Variants in DHRS9 observed in about 807,000 individuals in gnomAD.
DHRS9 encodes dehydrogenase/reductase SDR family member 9.
In DHRS9, 18 loss-of-function variants were observed where a neutral mutation model predicts 26.6. The ratio of observed to expected loss-of-function variants is 0.68; its 90% CI spans 0.47 to 1.00. The LOEUF (loss-of-function observed/expected upper bound fraction) is 1.00, where lower values mean the gene tolerates loss of function less well. Ranked by LOEUF, DHRS9 falls within the 50% of genes least tolerant of loss-of-function variation. The pLI, the probability that DHRS9 is intolerant of heterozygous loss-of-function variation, is 0.00. For missense variants in DHRS9, 425 were observed against 378.7 expected (o/e 1.12, Z -1.01); for synonymous variants, 134 against 141.1 (o/e 0.95, Z 0.36).
chr2:169,075,199 GCTTTA>G (rs1199391925), intron 1 of DHRS9, among the ~76,000 whole-genome samples: 1 of 152,030 alleles, frequency 6.6e-6, no homozygotes, highest in African/African-American at 2.4e-5. Flanking sequence ...AGAAAAAAAA[GCTTTA>G]CTTTCCTTTG....
chr2:169,093,936 C>T (rs1684614670), intron 4 of DHRS9, among the ~76,000 whole-genome samples: 1 of 152,180 alleles, frequency 6.6e-6, no homozygotes, highest in Admixed American at 6.5e-5. Flanking sequence ...CTTGAGAAGA[C>T]ACAGCTCAGG....
At position 169,072,638 on chromosome 2, in the gene DHRS9, AT is replaced by A; in HGVS notation, c.-60+2925del. 8 of 985,438 alleles carry A rather than the reference AT, an allele frequency of 8.1e-6. No individual in the cohort carries two copies. In the South Asian group the frequency reaches 3.8e-4, roughly 46 times the overall value. The allele number at this position is 985,438 out of a possible 1,614,324, so 61.0% of individuals were successfully genotyped here. ...TCAAGGAGAGCGCTCGAGTTGCAAT[AT>A]TTTCCTTTGGCTGCTGACAGGCAGT... is the stretch of plus-strand genomic sequence containing the variant. On this transcript the variant is annotated intron_variant, in intron 1 of 4. Coordinates refer to ENST00000674881, the MANE Select transcript of DHRS9 (RefSeq NM_001376924.1).
At position 169,081,886 on chromosome 2, in the gene DHRS9, G is replaced by A; in HGVS notation, c.305G>A (p.Gly102Glu). ...GCCCAGTGGGTGAAGAACCAAGTTGGGGAGAAAGGTGAGAGACATGGAAGT... is the reference window on the plus strand; with the variant it reads ...GCCCAGTGGGTGAAGAACCAAGTTGAGGAGAAAGGTGAGAGACATGGAAGT... Reference protein sequence around the residue: ...RTAQWVKNQVGEKGLWGLINN... With the variant: ...RTAQWVKNQVEEKGLWGLINN... Residue 102 changes from glycine (G) to glutamate (E), a missense_variant, in exon 2 of 5, where the codon GGG becomes GAG. Coordinates refer to ENST00000674881, the MANE Select transcript of DHRS9 (RefSeq NM_001376924.1). The A allele has an allele frequency of 6.2e-7, 1 of 1,603,650 alleles. No homozygotes were observed. The highest frequency in any genetic ancestry group is 8.5e-7 in the Non-Finnish European group (1 of 1,173,772).
rs777701210 is a variant in DHRS9, at chr2:169,086,169, C to CT, written c.572+2592dup. ...TTAGATTCTGTAGCTATGCCTCATT[C>CT]TTTTTTTTTTCTTTTGTCTCCTCTG... is the stretch of plus-strand genomic sequence containing the variant. On this transcript the variant is annotated intron_variant, in intron 3 of 4. Coordinates refer to ENST00000674881, the MANE Select transcript of DHRS9 (RefSeq NM_001376924.1). Among the ~76,000 whole-genome samples, 221 of 149,018 alleles carry CT rather than the reference C, an allele frequency of 1.5e-3. 1 individual carries two copies. The East Asian group carries it at 0.021, about 14-fold the overall frequency.
intron 3 of DHRS9, among the ~76,000 whole-genome samples, chr2:169,086,572 G>A (rs775853045): frequency 5.9e-5 from 9 of 151,646 alleles, no homozygotes; most frequent in Non-Finnish European, 1.3e-4. Flanking sequence ...TCTGTGCATT[G>A]AAGAGTTAGG....
intron 4 of DHRS9, among the ~76,000 whole-genome samples, chr2:169,092,877 C>T (rs1299591023): frequency 1.3e-5 from 2 of 152,124 alleles, no homozygotes; most frequent in African/African-American, 4.8e-5. Flanking sequence ...CTCTTATTAT[C>T]GTCTTCATTT....
rs747454028 is a variant in DHRS9, at chr2:169,095,527, C to CT, written c.737-13dup. 112 of 1,598,454 alleles carry CT rather than the reference C, an allele frequency of 7.0e-5. No homozygotes were observed. In the East Asian group the frequency reaches 2.5e-3, roughly 35 times the overall value. On this transcript the variant is annotated splice_polypyrimidine_tract_variant and intron_variant, in intron 4 of 4. Coordinates refer to ENST00000674881, the MANE Select transcript of DHRS9 (RefSeq NM_001376924.1). Reference sequence around the variant, plus strand: ...CCCCTTCTACCAAAGAGTAAATGTACTTTTGTCTCTTTTTAGGTCTAGACA... The same window carrying CT: ...CCCCTTCTACCAAAGAGTAAATGTACTTTTTGTCTCTTTTTAGGTCTAGACA...
rs1684533263 is a variant in DHRS9 at position 169,091,729 on chromosome 2, A to G, written c.573-61A>G. Reference sequence around the variant, plus strand: ...AAGATTCGTGAGAAAATAGTCACTCAAATAGCAAATATTTTCTAAACAAAC... The same window carrying G: ...AAGATTCGTGAGAAAATAGTCACTCGAATAGCAAATATTTTCTAAACAAAC... On this transcript the variant is annotated intron_variant, in intron 3 of 4. Coordinates refer to ENST00000674881, the MANE Select transcript of DHRS9 (RefSeq NM_001376924.1). 5 of 1,520,846 alleles carry G rather than the reference A, an allele frequency of 3.3e-6. No individual in the cohort carries two copies. The South Asian group carries it at 6.2e-5, about 19-fold the overall frequency. The allele number at this position is 1,520,846 out of a possible 1,614,324, so 94.2% of individuals were successfully genotyped here.
chr2:169,067,316 T>C, upstream of DHRS9: 1 of 1,530,100 alleles, frequency 6.5e-7, no homozygotes, highest in Non-Finnish European at 8.7e-7. Context: ...ATCTGTGACT[T>C]AGACCATCCC....
intron 1 of DHRS9, among the ~76,000 whole-genome samples, chr2:169,072,288 C>T (rs1210309364): frequency 6.6e-6 from 1 of 152,100 alleles, no homozygotes; most frequent in Non-Finnish European, 1.5e-5. Flanking sequence ...AATTGCAACA[C>T]ATTGGAAGTA....
At chr2:169,092,642 A>G (rs985279412) in intron 4 of DHRS9, among the ~76,000 whole-genome samples, 1 of 152,180 alleles carries the variant, frequency 6.6e-6, no homozygotes, top group African/African-American at 2.4e-5. Context: ...GAATAAGAGG[A>G]AAGGACAGGA....
chr2:169,094,139 G>A (rs550150606), intron 4 of DHRS9, among the ~76,000 whole-genome samples: 46 of 152,250 alleles, frequency 3.0e-4, no homozygotes, highest in African/African-American at 1.1e-3. Flanking sequence ...CAAATGTGAG[G>A]TGATATCTCA....
chr2:169,088,804 G>A (rs548201391), intron 3 of DHRS9, among the ~76,000 whole-genome samples: 2 of 152,134 alleles, frequency 1.3e-5, no homozygotes, highest in Non-Finnish European at 2.9e-5. Flanking sequence ...GATATTTAGG[G>A]AATCATATAG....
chr2:169,092,555 T>G (rs1684563474), intron 4 of DHRS9, among the ~76,000 whole-genome samples: 1 of 152,248 alleles, frequency 6.6e-6, no homozygotes, highest in Admixed American at 6.5e-5. Flanking sequence ...CTAGATGGTG[T>G]GGTTTCTAAT....
At chr2:169,069,090 T>C (rs1446083492), upstream of DHRS9, among the ~76,000 whole-genome samples, 1 of 152,108 alleles carries the variant, frequency 6.6e-6, no homozygotes, top group Non-Finnish European at 1.5e-5. Flanking sequence ...TTCCAAAACC[T>C]CATTTTATTA....
At chr2:169,067,271 A>T (rs1313502741), upstream of DHRS9, 1 of 1,535,188 alleles carries the variant, frequency 6.5e-7, no homozygotes, top group Non-Finnish European at 8.7e-7. Flanking sequence ...CACTGGAGTA[A>T]GTGCTTTCCT....
In DHRS9 at chr2:169,069,735, T is replaced by C; in HGVS notation, c.-60+18T>C. 4.1e-6 allele frequency: 4 copies of C among 985,484 alleles called. No individual in the cohort carries two copies. The highest frequency in any genetic ancestry group is 4.8e-6 in the Non-Finnish European group (4 of 829,934). The allele number at this position is 985,484 out of a possible 1,614,324, so 61.0% of individuals were successfully genotyped here. On this transcript the variant is annotated intron_variant, in intron 1 of 4. Transcript: ENST00000674881. ...TTAATAAGGTAACTGATGACAGTTTTGTCATTTATTCTTTTATTTATCAAG... is the reference window on the plus strand; with the variant it reads ...TTAATAAGGTAACTGATGACAGTTTCGTCATTTATTCTTTTATTTATCAAG...
At chr2:169,093,205 C>T (rs1328635215) in intron 4 of DHRS9, among the ~76,000 whole-genome samples, 1 of 152,124 alleles carries the variant, frequency 6.6e-6, no homozygotes, top group African/African-American at 2.4e-5. Flanking sequence ...AATCAGTGGA[C>T]TTGGTAAGAC....
Position 169,081,870 on chromosome 2 carries a change from G to T in DHRS9, c.289G>T (p.Val97Leu). ...GAATGTCAAGAGGACTGCCCAGTGG[G>T]TGAAGAACCAAGTTGGGGAGAAAGG... ...PENVKRTAQW[V>L]KNQVGEKGLW... Residue 97 changes from valine (V) to leucine (L), a missense_variant, in exon 2 of 5, where the codon GTG becomes TTG. Val to Leu is a conservative substitution (Grantham distance 32, BLOSUM62 1). Transcript: ENST00000674881. 1 of 1,608,860 alleles carries T rather than the reference G, an allele frequency of 6.2e-7. No homozygotes were observed. The highest frequency in any genetic ancestry group is 1.1e-5 in the South Asian group (1 of 90,590).
Sources: gnomAD v4.1 joint callset for allele counts (sites outside exome capture counted in the v4.1 genomes callset) on GRCh38, gnomAD v4.1.1 for gene constraint, MANE v1.5 for transcripts, NCBI Gene and HGNC (gene_info 2026-07-23, HGNC 2026-07-21) for gene names.